Variants in PRAG1 observed in about 807,000 individuals in gnomAD.
The protein encoded by PRAG1 is inactive tyrosine-protein kinase PRAG1.
In PRAG1, 110 loss-of-function variants were observed where a neutral mutation model predicts 95.6. The observed-to-expected ratio is 1.15, with a 90% CI of 0.99 to 1.35. The LOEUF (loss-of-function observed/expected upper bound fraction) is 1.35, where lower values mean the gene tolerates loss of function less well. PRAG1 is among the 40% of genes most tolerant of loss of function. PRAG1 has a pLI of 0.00. For missense variants in PRAG1, 2,554 were observed against 1,864.7 expected, an observed-to-expected ratio of 1.37 and a Z score of -6.81; for synonymous variants, 1,052 against 819.4, an observed-to-expected ratio of 1.28 and a Z score of -4.85.
At chr8:8,375,350 C>T (rs958022375) in intron 3 of PRAG1, among the ~76,000 whole-genome samples, 1 of 152,076 alleles carries the variant, frequency 6.6e-6, no homozygotes, top group African/African-American at 2.4e-5. Flanking sequence ...ACTACAGGCG[C>T]CCGCCACCAC....
At chr8:8,344,748 G>A (rs1799279120) in intron 3 of PRAG1, among the ~76,000 whole-genome samples, 2 of 152,178 alleles carry the variant, frequency 1.3e-5, no homozygotes, top group South Asian at 4.1e-4. Context: ...GGGGGTGGCT[G>A]CTCCTGTTGA....
chr8:8,356,738 C>G (rs909253508), intron 3 of PRAG1, among the ~76,000 whole-genome samples: 1 of 152,112 alleles, frequency 6.6e-6, no homozygotes, highest in Non-Finnish European at 1.5e-5. Flanking sequence ...CCAAAACAAT[C>G]TAGAAAAAGA....
At chr8:8,320,880 A>G (rs1046335584) in intron 5 of PRAG1, among the ~76,000 whole-genome samples, 1 of 152,258 alleles carries the variant, frequency 6.6e-6, no homozygotes, top group African/African-American at 2.4e-5. Context: ...CTGGCATACA[A>G]GAGCTTGGCC....
intron 3 of PRAG1, among the ~76,000 whole-genome samples, chr8:8,349,908 G>C (rs1351166132): frequency 6.7e-6 from 1 of 149,948 alleles, no homozygotes; most frequent in African/African-American, 2.5e-5. Flanking sequence ...TAAACTCATA[G>C]TTACATTAAA....
chr8:8,385,138 C>T (rs993527655), intron 1 of PRAG1, among the ~76,000 whole-genome samples: 1 of 152,096 alleles, frequency 6.6e-6, no homozygotes, highest in African/African-American at 2.4e-5. Context: ...AAACATTCAC[C>T]TAAAATTTTT....
At chr8:8,382,437 G>A (rs1330120928) in intron 1 of PRAG1, among the ~76,000 whole-genome samples, 1 of 152,194 alleles carries the variant, frequency 6.6e-6, no homozygotes, top group Non-Finnish European at 1.5e-5. Context: ...TAGACCTTAT[G>A]CAGAGTCTGG....
chr8:8,337,208 C>A (rs1213282671), intron 4 of PRAG1, among the ~76,000 whole-genome samples: 1 of 152,180 alleles, frequency 6.6e-6, no homozygotes, highest in Non-Finnish European at 1.5e-5. Flanking sequence ...TCAGCGTGAA[C>A]TAGTTCTTTT....
At chr8:8,336,467 C>T (rs913081211) in intron 4 of PRAG1, among the ~76,000 whole-genome samples, 8 of 152,120 alleles carry the variant, frequency 5.3e-5, no homozygotes, top group East Asian at 1.9e-4. Flanking sequence ...ACAACTGCTT[C>T]GACAAATTTT....
chr8:8,352,567 C>A (rs978368954), intron 3 of PRAG1, among the ~76,000 whole-genome samples: 8 of 152,222 alleles, frequency 5.3e-5, no homozygotes, highest in African/African-American at 1.9e-4. Flanking sequence ...TCCTCTATTT[C>A]TCCATGACTC....
In PRAG1 at chr8:8,336,912, CCCT is replaced by C. The variant is rs1172688207; in HGVS notation, c.2320+2563_2320+2565del. Among the ~76,000 whole-genome samples, 244 of 82,918 alleles carry C rather than the reference CCCT, an allele frequency of 2.9e-3. 10 individuals are homozygous for C. Among genetic ancestry groups the C allele is most frequent in the African/African-American group, 9.8e-3 (210 of 21,356 alleles). The allele number at this position is 82,918 out of a possible 152,430, so 54.4% of individuals were successfully genotyped here. ...ACTCCCCTCCCCACACCCCTTTCCC[CCCT>C]CCCCCCACCTCCGACATAAAGCATG... On this transcript the variant is annotated intron_variant, in intron 4 of 5. Transcript: ENST00000615670.
intron 3 of PRAG1, among the ~76,000 whole-genome samples, chr8:8,341,841 A>G (rs1799175617): frequency 6.6e-6 from 1 of 152,228 alleles, no homozygotes; most frequent in South Asian, 2.1e-4. Flanking sequence ...AAATAGAATT[A>G]TAAAATGACG....
At chr8:8,368,172 G>T (rs1477692833) in intron 3 of PRAG1, among the ~76,000 whole-genome samples, 1 of 152,210 alleles carries the variant, frequency 6.6e-6, no homozygotes, top group Non-Finnish European at 1.5e-5. Flanking sequence ...ACAGTGATAG[G>T]TATACTGGAG....
chr8:8,363,098 T>A (rs1799895905), intron 3 of PRAG1, among the ~76,000 whole-genome samples: 1 of 148,764 alleles, frequency 6.7e-6, no homozygotes, highest in Non-Finnish European at 1.5e-5. Flanking sequence ...CGTGTGTATA[T>A]ATATATATAC....
chr8:8,378,192 A>G, intron 2 of PRAG1, 114 bp from the exon 3 acceptor site: 1 of 1,251,598 alleles, frequency 8.0e-7, no homozygotes, highest in Non-Finnish European at 1.1e-6. Flanking sequence ...TCTGTAGTGC[A>G]GTGCAGGGGC....
intron 4 of PRAG1, among the ~76,000 whole-genome samples, chr8:8,329,669 T>G (rs1265334263): frequency 6.6e-6 from 1 of 152,170 alleles, no homozygotes; most frequent in South Asian, 2.1e-4. Flanking sequence ...CCTGAACAGT[T>G]AATAACCTTC....
intron 3 of PRAG1, among the ~76,000 whole-genome samples, chr8:8,350,885 G>C (rs1020421299): frequency 6.6e-6 from 1 of 150,400 alleles, no homozygotes; most frequent in Non-Finnish European, 1.5e-5. Flanking sequence ...TACATAGAAA[G>C]TGCTCGTTAA....
intron 5 of PRAG1, among the ~76,000 whole-genome samples, chr8:8,324,487 C>A (rs937867854): frequency 1.3e-5 from 2 of 151,860 alleles, no homozygotes; most frequent in Non-Finnish European, 2.9e-5. Flanking sequence ...GCTGTAGGCC[C>A]GCGCCGGAGA....
In PRAG1 at chr8:8,328,154, G is replaced by C; in HGVS notation, c.2628C>G (p.Phe876Leu). The C allele has an allele frequency of 6.2e-7, 1 of 1,614,248 alleles. No individual in the cohort carries two copies. The highest frequency in any genetic ancestry group is 8.5e-7 in the Non-Finnish European group (1 of 1,180,054). Residue 876 changes from phenylalanine to leucine, a missense_variant, in exon 5 of 6, where the codon TTC (phenylalanine) becomes TTG (leucine). Physicochemically the swap from Phe to Leu is conservative, Grantham distance 22. Coordinates refer to ENST00000615670, the MANE Select transcript of PRAG1 (RefSeq NM_001080826.3). ...LSPGNRHHPV[F>L]SSSDPLEKAF... The stretch of plus-strand genomic sequence containing the variant: ...CTTTCTCCAGAGGATCGGAAGAGGA[G>C]AAGACAGGATGGTGGCGGTTCCCGG...
intron 3 of PRAG1, among the ~76,000 whole-genome samples, chr8:8,359,236 T>C (rs1799773411): frequency 1.3e-5 from 2 of 152,250 alleles, no homozygotes; most frequent in South Asian, 4.1e-4. Flanking sequence ...CTTGGCTTAA[T>C]TGCTCTGATT....
Sources: allele counts gnomAD v4.1 joint callset (sites outside exome capture counted in the v4.1 genomes callset), GRCh38; gene constraint gnomAD v4.1.1; transcripts MANE v1.5; gene names NCBI Gene and HGNC (gene_info 2026-07-23, HGNC 2026-07-21).